ZNF407: variants seen among roughly 807,000 people sequenced by gnomAD.
ZNF407 encodes the protein zinc finger protein 407.
Under a neutral mutation model 131.2 loss-of-function variants are expected in ZNF407, and 17 were observed. The ratio of observed to expected loss-of-function variants is 0.13; its 90% CI spans 0.09 to 0.19. The LOEUF is 0.19. Among genes scored for constraint, ZNF407 ranks in the 10% least tolerant of loss-of-function variants. The pLI, the probability that ZNF407 is intolerant of heterozygous loss-of-function variation, is 1.00. For synonymous variants in ZNF407, 1,156 were observed against 1,062.0 expected (o/e 1.09, Z -1.72); for missense variants, 2,681 against 2,830.6 (o/e 0.95, Z 1.20).
chr18:74,788,966 T>G (rs755005866), intron 4 of ZNF407, among the ~76,000 whole-genome samples: 1 of 151,998 alleles, frequency 6.6e-6, no homozygotes, highest in Non-Finnish European at 1.5e-5. Context: ...TGGGTGATAA[T>G]AGGGCATCTT....
At chr18:75,007,861 A>G (rs1392184495) in intron 8 of ZNF407, among the ~76,000 whole-genome samples, 3 of 152,222 alleles carry the variant, frequency 2.0e-5, no homozygotes, top group Non-Finnish European at 2.9e-5. Flanking sequence ...TTTGGGGTAC[A>G]CATAGAGGCA....
At position 74,874,223 on chromosome 18, in the gene ZNF407, C is replaced by T. The variant is rs147490458; in HGVS notation, c.4878-2974C>T. Among the ~76,000 whole-genome samples the T allele has an allele frequency of 2.2e-3, 331 of 152,252 alleles. 1 individual carries two copies. The highest frequency in any genetic ancestry group is 3.4e-3 in the Middle Eastern group (1 of 294). On this transcript the variant is annotated intron_variant, in intron 4 of 8. Coordinates refer to ENST00000299687, the MANE Select transcript of ZNF407 (RefSeq NM_017757.3). ...GTGAACCATATACCATCATATTATG[C>T]GTGCTTGTGTTATTTACCCTCTCAG...
intron 7 of ZNF407, among the ~76,000 whole-genome samples, chr18:74,908,827 C>T (rs1245931076): frequency 6.6e-6 from 1 of 152,024 alleles, no homozygotes; most frequent in Non-Finnish European, 1.5e-5. Flanking sequence ...TTTAAAGCAA[C>T]ATATATGGAG....
chr18:75,037,180 T>C (rs1416348906), intron 8 of ZNF407, among the ~76,000 whole-genome samples: 1 of 152,234 alleles, frequency 6.6e-6, no homozygotes, highest in Non-Finnish European at 1.5e-5. Flanking sequence ...GAAAAGTCTA[T>C]ATTTAGCCAT....
intron 8 of ZNF407, among the ~76,000 whole-genome samples, chr18:74,999,205 G>A (rs1216000137): frequency 2.4e-5 from 2 of 84,432 alleles, no homozygotes; most frequent in East Asian, 6.9e-4. Context: ...TGGTGGGGTC[G>A]GGGGAGGGGG....
chr18:74,948,084 C>G (rs528255219), intron 8 of ZNF407, among the ~76,000 whole-genome samples: 43 of 152,314 alleles, frequency 2.8e-4, no homozygotes, highest in Admixed American at 5.2e-4. Context: ...AGCTGCTGAT[C>G]ACCATTTGAA....
chr18:74,606,286 CA>C (rs1568311519), intron 1 of ZNF407, among the ~76,000 whole-genome samples: 3 of 152,144 alleles, frequency 2.0e-5, no homozygotes, highest in African/African-American at 7.2e-5. Flanking sequence ...TGAAGCTCAT[CA>C]TGTGTGTAAT....
chr18:74,990,609 T>C (rs1972707089), intron 8 of ZNF407, among the ~76,000 whole-genome samples: 1 of 152,198 alleles, frequency 6.6e-6, no homozygotes, highest in Admixed American at 6.5e-5. Flanking sequence ...AAATGCTAAG[T>C]GTAGCTGAGT....
intron 4 of ZNF407, among the ~76,000 whole-genome samples, chr18:74,789,632 G>A (rs1230594318): frequency 6.6e-6 from 1 of 152,140 alleles, no homozygotes; most frequent in African/African-American, 2.4e-5. Context: ...AGCGTGCAGT[G>A]CAGAGCCCAG....
rs144070141 is a variant in ZNF407 at position 74,615,379 on chromosome 18, C to G, written c.-53-15588C>G. 3.1e-3 allele frequency among the ~76,000 whole-genome samples: 476 copies of G among 152,290 alleles called. 2 individuals are homozygous for G. The highest frequency in any genetic ancestry group is 0.011 in the African/African-American group (470 of 41,556). ...AATTAGCTGCTTGTGGTGGCGCACG[C>G]CTGTAGTCCCAGCTACTCGGGAGGC... On this transcript the variant is annotated intron_variant, in intron 1 of 8. Transcript: ENST00000299687.
chr18:74,905,527 A>G (rs1971584361), intron 7 of ZNF407: 1 of 152,276 alleles, frequency 6.6e-6, no homozygotes, highest in Admixed American at 6.5e-5. Flanking sequence ...AGGGTGGTGG[A>G]TGAGACCAAG....
At chr18:74,724,323 C>T (rs139745877) in intron 3 of ZNF407, among the ~76,000 whole-genome samples, 364 of 152,140 alleles carry the variant, frequency 2.4e-3, no homozygotes, top group African/African-American at 8.3e-3. Context: ...AAATATTTAT[C>T]ATTTCTTTGT....
intron 8 of ZNF407, among the ~76,000 whole-genome samples, chr18:75,053,111 C>T (rs918328545): frequency 6.6e-6 from 1 of 152,158 alleles, no homozygotes; most frequent in African/African-American, 2.4e-5. Flanking sequence ...GGACTTACTA[C>T]CCTATTTTAA....
chr18:74,624,162 T>G lies in ZNF407; in HGVS notation c.-53-6805T>G, dbSNP rs542049941. On this transcript the variant is annotated intron_variant, in intron 1 of 8. Coordinates refer to ENST00000299687, the MANE Select transcript of ZNF407 (RefSeq NM_017757.3). ...GCAGTCAGTGAGTCTTCTGCCTGTT[T>G]TCGCTTTGTTCCGGGGAGAGCCAGA... Among the ~76,000 whole-genome samples, 4 of 152,272 alleles carry G rather than the reference T, an allele frequency of 2.6e-5. No individual in the cohort carries two copies. In the South Asian group the frequency reaches 8.3e-4, roughly 32 times the overall value.
At position 74,631,187 on chromosome 18, in the gene ZNF407, A is replaced by G. The variant is rs772924965; in HGVS notation, c.168A>G (p.Ser56=). Residue 56 remains serine (S), a synonymous_variant, in exon 2 of 9, where the codon TCA becomes TCG. Transcript: ENST00000299687. The stretch of plus-strand genomic sequence containing the variant: ...TGGGCAAAAGAGGTTTTTCAGAATC[A>G]TCGAACTCTGATAGTGTTGTTATAG... ...NSMGKRGFSE[S]SNSDSVVIGE... 5 of 1,614,058 alleles carry G rather than the reference A, an allele frequency of 3.1e-6. No homozygotes were observed. In the East Asian group the frequency reaches 1.1e-4, roughly 36 times the overall value.
chr18:75,028,232 C>T (rs1973194428), intron 8 of ZNF407, among the ~76,000 whole-genome samples: 1 of 152,232 alleles, frequency 6.6e-6, no homozygotes, highest in Non-Finnish European at 1.5e-5. Flanking sequence ...AAACAACAGA[C>T]ATTTATTTTC....
chr18:74,957,407 T>G (rs1972289071), intron 8 of ZNF407, among the ~76,000 whole-genome samples: 1 of 151,962 alleles, frequency 6.6e-6, no homozygotes, highest in Admixed American at 6.6e-5. Context: ...CTTACGGGGT[T>G]TTTTGGAATA....
intron 4 of ZNF407, among the ~76,000 whole-genome samples, chr18:74,793,087 A>G (rs1266931702): frequency 6.6e-6 from 1 of 152,244 alleles, no homozygotes; most frequent in Non-Finnish European, 1.5e-5. Context: ...CCACTGTGAC[A>G]GAGCTCTTAA....
chr18:74,811,893 AGG>A (rs963407704), intron 4 of ZNF407, among the ~76,000 whole-genome samples: 1 of 137,170 alleles, frequency 7.3e-6, no homozygotes, highest in African/African-American at 3.0e-5. Context: ...GGGAAGGGGG[AGG>A]GGGGAGGGAT....
Sources: gnomAD v4.1 joint callset for allele counts (sites outside exome capture counted in the v4.1 genomes callset) on GRCh38, gnomAD v4.1.1 for gene constraint, MANE v1.5 for transcripts, NCBI Gene and HGNC (gene_info 2026-07-23, HGNC 2026-07-21) for gene names.